KLRK1: variants seen among roughly 807,000 people sequenced by gnomAD.
KLRK1 encodes the protein NKG2-D type II integral membrane protein.
KLRK1 carries 40 observed loss-of-function variants against 31.3 expected under a neutral mutation model. The ratio of observed to expected loss-of-function variants is 1.28; its 90% CI spans 0.99 to 1.67. The LOEUF (loss-of-function observed/expected upper bound fraction) is 1.67. KLRK1 is among the 40% of genes most tolerant of loss of function. KLRK1 has a pLI of 0.00. For synonymous variants in KLRK1, 77 were observed against 77.3 expected (o/e 1.00, Z 0.02); for missense variants, 251 against 260.0 (o/e 0.97, Z 0.24).
chr12:10,374,878 C>A (rs1862934473), intron 7 of KLRK1, among the ~76,000 whole-genome samples: 1 of 152,078 alleles, frequency 6.6e-6, no homozygotes. Flanking sequence ...CTGCATAATT[C>A]CTGGAAATTG....
At chr12:10,381,028 A>G (rs1233505036) in intron 3 of KLRK1, among the ~76,000 whole-genome samples, 2 of 151,990 alleles carry the variant, frequency 1.3e-5, no homozygotes, top group Non-Finnish European at 2.9e-5. Context: ...GGTGATCCCA[A>G]CCAAAGGTGT....
chr12:10,387,571 TTTTC>T (rs1022733287), intron 2 of KLRK1, among the ~76,000 whole-genome samples: 2 of 150,840 alleles, frequency 1.3e-5, no homozygotes, highest in African/African-American at 4.9e-5. Flanking sequence ...AATTTTCTTC[TTTTC>T]TTTTTTTTTT....
Position 10,378,635 on chromosome 12 carries a change from C to CTCA in KLRK1, c.345_347dup (p.Asp115dup). On this transcript the variant is annotated inframe_insertion, in exon 6 of 8. Transcript: ENST00000240618. Reference sequence around the variant, plus strand: ...CCTGGCTCTCATACCAGTTTTTACTCTCATCAAAAAATTGGTAGCAGTTAT... The same window carrying CTCA: ...CCTGGCTCTCATACCAGTTTTTACTCTCATCATCAAAAAATTGGTAGCAGTTAT... 6.2e-7 allele frequency: 1 copy of CTCA among 1,610,688 alleles called. No individual in the cohort carries two copies. The highest frequency in any genetic ancestry group is 1.1e-5 in the South Asian group (1 of 90,354).
rs1326138852 is a variant in KLRK1 at position 10,372,750 on chromosome 12, T to G, written c.*364A>C. 8.1e-6 allele frequency: 2 copies of G among 245,790 alleles called. No individual in the cohort carries two copies. The highest frequency in any genetic ancestry group is 4.4e-5 in the South Asian group (1 of 22,778). 15.2% of individuals were successfully genotyped at this position (245,790 alleles called of 1,614,324 possible). A position where few individuals can be genotyped will look rare whatever the true frequency, so the allele number is the denominator to read the frequency against. ...CCATGAGGCAATTTCCTGTGGAGGGTGGGGTTGCACTCTCAGTGATCTGCT... is the reference window on the plus strand; with the variant it reads ...CCATGAGGCAATTTCCTGTGGAGGGGGGGGTTGCACTCTCAGTGATCTGCT... On this transcript the variant is annotated 3_prime_UTR_variant, in exon 8 of 8. Transcript: ENST00000240618.
chr12:10,381,503 G>C (rs1000147161), intron 3 of KLRK1, among the ~76,000 whole-genome samples: 11 of 151,966 alleles, frequency 7.2e-5, no homozygotes, highest in African/African-American at 2.4e-4. Context: ...GAAAGAGAAA[G>C]GAATCAAACA....
chr12:10,380,818 C>G (rs1015678721), intron 3 of KLRK1, among the ~76,000 whole-genome samples: 60 of 152,164 alleles, frequency 3.9e-4, no homozygotes, highest in Non-Finnish European at 6.8e-4. Flanking sequence ...GGGGTCCCTC[C>G]TCTTCTCTGG....
In KLRK1 at chr12:10,373,275, C is replaced by T. The variant is rs141609555; in HGVS notation, c.534-44G>A. 4.8e-4 allele frequency: 717 copies of T among 1,490,472 alleles called. 3 individuals are homozygous for T. In the African/African-American group the frequency reaches 9.5e-3, roughly 20 times the overall value. The allele number at this position is 1,490,472 out of a possible 1,614,324, so 92.3% of individuals were successfully genotyped here. A position where few individuals can be genotyped will look rare whatever the true frequency, so the allele number is the denominator to read the frequency against. ...CAAATTACATACATGATTTTATTAACGCGGGAAAATAAAAATGAATCATAC... is the reference window on the plus strand; with the variant it reads ...CAAATTACATACATGATTTTATTAATGCGGGAAAATAAAAATGAATCATAC... On this transcript the variant is annotated intron_variant, in intron 7 of 7. Coordinates refer to ENST00000240618, the MANE Select transcript of KLRK1 (RefSeq NM_007360.4).
At chr12:10,380,275 C>T (rs898798329) in intron 3 of KLRK1, among the ~76,000 whole-genome samples, 1 of 152,052 alleles carries the variant, frequency 6.6e-6, no homozygotes, top group Admixed American at 6.5e-5. Flanking sequence ...CCGTGTTAGC[C>T]AGGACGGTCT....
intron 3 of KLRK1, among the ~76,000 whole-genome samples, chr12:10,386,584 A>T (rs1392682419): frequency 6.6e-6 from 1 of 151,934 alleles, no homozygotes; most frequent in Non-Finnish European, 1.5e-5. Context: ...ATATCTCTGG[A>T]GGGTTTTTAA....
intron 7 of KLRK1, among the ~76,000 whole-genome samples, chr12:10,376,055 A>T (rs976976094): frequency 2.0e-5 from 3 of 152,232 alleles, no homozygotes; most frequent in Non-Finnish European, 4.4e-5. Context: ...TCAGCAGAGT[A>T]CTTACTAATG....
intron 7 of KLRK1, chr12:10,373,976 C>T (rs1414586097): frequency 1.3e-5 from 2 of 152,166 alleles, no homozygotes; most frequent in Non-Finnish European, 2.9e-5. Flanking sequence ...AACAATCGGC[C>T]ACTGTAGGGA....
intron 7 of KLRK1, among the ~76,000 whole-genome samples, chr12:10,376,031 TC>T (rs1862958503): frequency 6.6e-6 from 1 of 152,170 alleles, no homozygotes; most frequent in Non-Finnish European, 1.5e-5. Flanking sequence ...ATGCAGAAGG[TC>T]ACCTTTGAAT....
At chr12:10,380,450 A>G (rs1863054461) in intron 3 of KLRK1, among the ~76,000 whole-genome samples, 1 of 152,166 alleles carries the variant, frequency 6.6e-6, no homozygotes, top group Non-Finnish European at 1.5e-5. Flanking sequence ...GGCACCCAGC[A>G]CTCACTTCCA....
chr12:10,386,071 T>C (rs1011334049), intron 3 of KLRK1, among the ~76,000 whole-genome samples: 8 of 151,862 alleles, frequency 5.3e-5, no homozygotes, highest in African/African-American at 1.7e-4. Context: ...ATAGCTGCAT[T>C]GTATTTCACT....
rs1468511980 is a variant in KLRK1, at chr12:10,379,708, A to T, written c.233T>A (p.Phe78Tyr). The T allele has an allele frequency of 6.2e-7, 1 of 1,607,336 alleles. No individual in the cohort carries two copies. The highest frequency in any genetic ancestry group is 8.5e-7 in the Non-Finnish European group (1 of 1,177,470). The part of the protein sequence containing the change: ...IIMVTIWSAV[F>Y]LNSLFNQEVQ... ...TCTCTGTTGTCACTTACAGTTTAGGAATACAGCACTCCATATTGTTACCAT... is the reference window on the plus strand; with the variant it reads ...TCTCTGTTGTCACTTACAGTTTAGGTATACAGCACTCCATATTGTTACCAT... Residue 78 changes from phenylalanine to tyrosine, a missense_variant, in exon 4 of 8, where the codon TTC becomes TAC. Coordinates refer to ENST00000240618, the MANE Select transcript of KLRK1 (RefSeq NM_007360.4).
chr12:10,382,484 GT>G (rs1863094058), intron 3 of KLRK1, among the ~76,000 whole-genome samples: 1 of 152,062 alleles, frequency 6.6e-6, no homozygotes, highest in Non-Finnish European at 1.5e-5. Flanking sequence ...CTGAGATACC[GT>G]ACCCAGCAAA....
chr12:10,388,993 G>T (rs1284014618), intron 1 of KLRK1, 118 bp from the exon 2 acceptor site: 2 of 565,840 alleles, frequency 3.5e-6, no homozygotes, highest in East Asian at 5.8e-5. Context: ...TTTAAGAAAA[G>T]AATAGAAATG....
intron 5 of KLRK1, 147 bp downstream of exon 5, chr12:10,379,300 A>ATTG (rs1251135476): frequency 3.1e-6 from 1 of 327,460 alleles, no homozygotes; most frequent in Non-Finnish European, 5.5e-6. Flanking sequence ...GTATTCCCTC[A>ATTG]TTGTTAAAAG....
rs561907321 is a variant in KLRK1, at chr12:10,380,932, C to A, written c.149-1140G>T. On this transcript the variant is annotated intron_variant, in intron 3 of 7. Coordinates refer to ENST00000240618, the MANE Select transcript of KLRK1 (RefSeq NM_007360.4). ...TTCCTTTATCTTCGCATGTTTGGGG[C>A]CCAATAGCTTATGCATCTTCACATC... Among the ~76,000 whole-genome samples, 6 of 152,222 alleles carry A rather than the reference C, an allele frequency of 3.9e-5. 1 individual carries two copies. In the South Asian group the frequency reaches 1.2e-3, roughly 32 times the overall value.
Sources: allele counts gnomAD v4.1 joint callset (sites outside exome capture counted in the v4.1 genomes callset), GRCh38; gene constraint gnomAD v4.1.1; transcripts MANE v1.5; gene names NCBI Gene and HGNC (gene_info 2026-07-23, HGNC 2026-07-21).